Variants in RGS20 observed in about 807,000 individuals in gnomAD.
RGS20 encodes regulator of G protein signaling 20.
Under a neutral mutation model 33.6 loss-of-function variants are expected in RGS20, and 30 were observed. The observed-to-expected ratio is 0.89, with a 90% CI of 0.67 to 1.21. The LOEUF (loss-of-function observed/expected upper bound fraction) is 1.21. Among genes scored for constraint, RGS20 ranks in the 50% most tolerant of loss-of-function variants. The pLI is 0.00. For missense variants in RGS20, 472 were observed against 502.4 expected, an observed-to-expected ratio of 0.94 and a Z score of 0.58; for synonymous variants, 208 against 197.9, an observed-to-expected ratio of 1.05 and a Z score of -0.43.
intron 2 of RGS20, among the ~76,000 whole-genome samples, chr8:53,911,455 A>T (rs2129283740): frequency 1.3e-5 from 2 of 152,362 alleles, no homozygotes; most frequent in Admixed American, 1.3e-4. Context: ...AACTGGATCA[A>T]GACTTTTTTA....
At chr8:53,874,419 C>A (rs1445390722) in intron 1 of RGS20, among the ~76,000 whole-genome samples, 1 of 150,460 alleles carries the variant, frequency 6.6e-6, no homozygotes, top group Non-Finnish European at 1.5e-5. Flanking sequence ...CGTGTGCTTG[C>A]GTGCATCTGT....
At chr8:53,889,723 CTGTGTGTGTGTGTGTG>C (rs66766851) in intron 2 of RGS20, among the ~76,000 whole-genome samples, 10 of 146,010 alleles carry the variant, frequency 6.8e-5, no homozygotes, top group Non-Finnish European at 1.4e-4. Context: ...TGTCAAAATT[CTGTGTGTGTGTGTGTG>C]TGTGTGTGTG....
intron 2 of RGS20, among the ~76,000 whole-genome samples, chr8:53,896,195 C>G (rs970824352): frequency 6.6e-6 from 1 of 152,170 alleles, no homozygotes; most frequent in Non-Finnish European, 1.5e-5. Flanking sequence ...AGGAGGATCA[C>G]TTGAGCCCAG....
chr8:53,923,742 C>T (rs1283332268), intron 2 of RGS20, among the ~76,000 whole-genome samples: 1 of 152,168 alleles, frequency 6.6e-6, no homozygotes, highest in Admixed American at 6.5e-5. Context: ...GTCTTTTTAT[C>T]TCTTAGTCTT....
chr8:53,953,235 A>G (rs961398845), intron 4 of RGS20, among the ~76,000 whole-genome samples: 5 of 152,226 alleles, frequency 3.3e-5, no homozygotes, highest in Middle Eastern at 3.2e-3. Flanking sequence ...TTTTTTATAA[A>G]GTGAGCCAGA....
rs185712967 is a variant in RGS20, at chr8:53,876,436, A to C, written c.166-2822A>C. ...CAAGTATTCTGGATCCCTAAGGACCAGTGCTTCCAGGAATACGGTACTGAT... is the reference window on the plus strand; with the variant it reads ...CAAGTATTCTGGATCCCTAAGGACCCGTGCTTCCAGGAATACGGTACTGAT... On this transcript the variant is annotated intron_variant, in intron 1 of 5. Transcript: ENST00000297313. 2.7e-4 allele frequency: 41 copies of C among 152,370 alleles called. No homozygotes were observed. In the East Asian group the frequency reaches 7.9e-3, roughly 29 times the overall value. The allele number at this position is 152,370 out of a possible 1,614,324, so 9.4% of individuals were successfully genotyped here.
chr8:53,914,710 A>G (rs550125074), intron 2 of RGS20: 3 of 152,234 alleles, frequency 2.0e-5, no homozygotes, highest in Non-Finnish European at 4.4e-5. Flanking sequence ...CAGGCGTTAA[A>G]AAATTTCAGT....
At chr8:53,878,972 A>T (rs1012200452) in intron 1 of RGS20, among the ~76,000 whole-genome samples, 2 of 152,152 alleles carry the variant, frequency 1.3e-5, no homozygotes, top group African/African-American at 4.8e-5. Context: ...TACCATGCAG[A>T]TTCCGATGCA....
At chr8:53,889,720 A>C (rs1300372219) in intron 2 of RGS20, among the ~76,000 whole-genome samples, 1 of 82,180 alleles carries the variant, frequency 1.2e-5, no homozygotes, top group Admixed American at 1.6e-4. Context: ...ATCTGTCAAA[A>C]TTCTGTGTGT....
rs899779499 is a variant in RGS20 at position 53,877,185 on chromosome 8, C to G, written c.166-2073C>G. Among the ~76,000 whole-genome samples, 1 of 152,190 alleles carries G rather than the reference C, an allele frequency of 6.6e-6. No individual in the cohort carries two copies. Among genetic ancestry groups the G allele is most frequent in the Non-Finnish European group, 1.5e-5 (1 of 68,028 alleles). Reference sequence around the variant, plus strand: ...TTCAGCATTTTCGGCTTTTTTCAAGCCCTTGCGTAGGGTCGGGAAGGCCGT... The same window carrying G: ...TTCAGCATTTTCGGCTTTTTTCAAGGCCTTGCGTAGGGTCGGGAAGGCCGT... On this transcript the variant is annotated intron_variant, in intron 1 of 5. Transcript: ENST00000297313. The surrounding 1 kb of genome is among the most constrained non-coding windows in gnomAD (Gnocchi z 5.7).
At chr8:53,920,097 A>T (rs959950733) in intron 2 of RGS20, among the ~76,000 whole-genome samples, 5 of 151,550 alleles carry the variant, frequency 3.3e-5, no homozygotes, top group Non-Finnish European at 5.9e-5. Context: ...CTGATCTTAA[A>T]CTCCTGGGCT....
chr8:53,863,534 C>G (rs1811855264), intron 1 of RGS20, among the ~76,000 whole-genome samples: 1 of 152,136 alleles, frequency 6.6e-6, no homozygotes, highest in Non-Finnish European at 1.5e-5. Context: ...TTGTAACTAA[C>G]TGAAGTCTGA....
At chr8:53,858,489 CAT>C (rs539457717) in intron 1 of RGS20, among the ~76,000 whole-genome samples, 142 of 150,708 alleles carry the variant, frequency 9.4e-4, no homozygotes, top group Admixed American at 1.9e-3. Context: ...TATATATATA[CAT>C]ATATATATAT....
intron 4 of RGS20, among the ~76,000 whole-genome samples, chr8:53,950,350 T>C (rs979955228): frequency 3.3e-5 from 5 of 152,168 alleles, no homozygotes; most frequent in Admixed American, 6.6e-5. Context: ...GTTTCCCTTA[T>C]CCAAAATGCT....
intron 1 of RGS20, among the ~76,000 whole-genome samples, chr8:53,866,396 T>G (rs1811919566): frequency 6.6e-6 from 1 of 151,958 alleles, no homozygotes; most frequent in Non-Finnish European, 1.5e-5. Context: ...TCTTTTTTTT[T>G]TTTTGAGTCT....
At chr8:53,942,560 G>C (rs1215099010) in intron 3 of RGS20, among the ~76,000 whole-genome samples, 1 of 152,030 alleles carries the variant, frequency 6.6e-6, no homozygotes, top group Admixed American at 6.5e-5. Flanking sequence ...ATTCACTACA[G>C]CATTCATCTG....
chr8:53,930,780 C>T (rs544712985), intron 2 of RGS20, among the ~76,000 whole-genome samples: 1 of 151,244 alleles, frequency 6.6e-6, no homozygotes, highest in Non-Finnish European at 1.5e-5. Flanking sequence ...AACTCCTGAC[C>T]TCAAGTGATC....
At chr8:53,925,764 G>A (rs1362151558) in intron 2 of RGS20, among the ~76,000 whole-genome samples, 1 of 152,086 alleles carries the variant, frequency 6.6e-6, no homozygotes, top group South Asian at 2.1e-4. Flanking sequence ...AACGAAGTAA[G>A]ATATTCAAGG....
intron 2 of RGS20, among the ~76,000 whole-genome samples, chr8:53,889,172 G>A (rs1055487521): frequency 6.6e-6 from 1 of 152,112 alleles, no homozygotes; most frequent in African/African-American, 2.4e-5. Flanking sequence ...CCAGCAAAGT[G>A]TGTATTGCTT....
Sources: gnomAD v4.1 joint callset for allele counts (sites outside exome capture counted in the v4.1 genomes callset) on GRCh38, gnomAD v4.1.1 for gene constraint, Gnocchi (gnomAD v3.1) non-coding constraint, MANE v1.5 for transcripts, NCBI Gene and HGNC (gene_info 2026-07-23, HGNC 2026-07-21) for gene names.